GDF1: variants seen among roughly 807,000 people sequenced by gnomAD.
GDF1 encodes growth differentiation factor 1, also known as embryonic growth/differentiation factor 1.
In GDF1, 8 loss-of-function variants were observed where a neutral mutation model predicts 7.4. The observed-to-expected ratio is 1.09, with a 90% CI of 0.64 to 1.96. GDF1 has a LOEUF of 1.96. GDF1 is among the 30% of genes most tolerant of loss of function. The pLI is 0.00. For missense variants in GDF1, 574 were observed against 551.5 expected (o/e 1.04, Z -0.41); for synonymous variants, 311 against 276.7 (o/e 1.12, Z -1.23).
In GDF1 at chr19:18,878,778, C is replaced by G. The variant is rs1282667815; in HGVS notation, c.-313+152G>C. The G allele has an allele frequency of 2.7e-6, 4 of 1,458,984 alleles. No homozygotes were observed. Among genetic ancestry groups the G allele is most frequent in the Non-Finnish European group, 3.6e-6 (4 of 1,105,302 alleles). 90.4% of individuals were successfully genotyped at this position (1,458,984 alleles called of 1,614,324 possible). ...CAGGGTACTGGCCACATCGTCCACG[C>G]CTTTATTGCAGTCTCTGTTTTGGAG... On this transcript the variant is annotated intron_variant, in intron 6 of 7. Coordinates refer to ENST00000247005, the MANE Select transcript of GDF1 (RefSeq NM_001492.6). This position sits in a 1 kb window ranked among gnomAD's most constrained non-coding sequence, Gnocchi z 4.6.
chr19:18,892,765 CAGGGGT>C (rs1320326715), intron 2 of GDF1, among the ~76,000 whole-genome samples: 21 of 152,298 alleles, frequency 1.4e-4, no homozygotes, highest in African/African-American at 4.3e-4. Flanking sequence ...TGGACCCACA[CAGGGGT>C]CCTTCCAGGA....
At position 18,884,075 on chromosome 19, in the gene GDF1, T is replaced by A. The variant is rs2056284759; in HGVS notation, c.-733+12A>T. On this transcript the variant is annotated intron_variant, in intron 3 of 7. Transcript: ENST00000247005. ...TGTGCCTCGGCCCCCTGCCACCCGATCCTGTCCTTACCGGAAGGCGTAGGA... is the reference window on the plus strand; with the variant it reads ...TGTGCCTCGGCCCCCTGCCACCCGAACCTGTCCTTACCGGAAGGCGTAGGA... 6.2e-7 allele frequency: 1 copy of A among 1,609,508 alleles called. No homozygotes were observed. Among genetic ancestry groups the A allele is most frequent in the Non-Finnish European group, 8.5e-7 (1 of 1,177,124 alleles).
At position 18,878,365 on chromosome 19, in the gene GDF1, G is replaced by A. The variant is rs1341515059; in HGVS notation, c.-313+565C>T. 2 of 986,462 alleles carry A rather than the reference G, an allele frequency of 2.0e-6. No homozygotes were observed. Among genetic ancestry groups the A allele is most frequent in the African/African-American group, 3.5e-5 (2 of 57,116 alleles). 61.1% of individuals were successfully genotyped at this position (986,462 alleles called of 1,614,324 possible). A position where few individuals can be genotyped will look rare whatever the true frequency, so the allele number is the denominator to read the frequency against. On this transcript the variant is annotated intron_variant, in intron 6 of 7. Coordinates refer to ENST00000247005, the MANE Select transcript of GDF1 (RefSeq NM_001492.6). This position sits in a 1 kb window ranked among gnomAD's most constrained non-coding sequence, Gnocchi z 4.6. The stretch of plus-strand genomic sequence containing the variant: ...GTCACCCAGGGCTGGTGAGGCTCGT[G>A]GGCTATCTCCTTCCCCAGGACTCCC...
At chr19:18,883,618 T>C (rs990234308) in intron 3 of GDF1, among the ~76,000 whole-genome samples, 4 of 152,344 alleles carry the variant, frequency 2.6e-5, no homozygotes, top group African/African-American at 9.6e-5. Context: ...GGGTGGGTTT[T>C]ATGCACACAG....
intron 6 of GDF1, among the ~76,000 whole-genome samples, chr19:18,871,479 C>T (rs754097735): frequency 6.6e-6 from 1 of 152,170 alleles, no homozygotes; most frequent in Non-Finnish European, 1.5e-5. Context: ...ACCTTGGCCT[C>T]CCAAAGTGCT....
chr19:18,888,300 A>C (rs2056408284), intron 2 of GDF1, among the ~76,000 whole-genome samples: 1 of 151,594 alleles, frequency 6.6e-6, no homozygotes, highest in African/African-American at 2.4e-5. Context: ...CAGAGGTTGC[A>C]GTGAGCTGAG....
intron 3 of GDF1, chr19:18,883,124 A>C (rs909722793): frequency 7.9e-5 from 12 of 152,248 alleles, no homozygotes; most frequent in African/African-American, 2.2e-4. Flanking sequence ...CTGCTCCTGG[A>C]GTTTTATTTA....
At chr19:18,876,348 G>C (rs950549406) in intron 6 of GDF1, among the ~76,000 whole-genome samples, 2 of 151,646 alleles carry the variant, frequency 1.3e-5, no homozygotes, top group African/African-American at 2.4e-5. Context: ...TGTTTGTTTT[G>C]GTTTGTCTTT....
intron 6 of GDF1, among the ~76,000 whole-genome samples, chr19:18,875,757 A>G (rs1419235178): frequency 6.6e-6 from 1 of 152,132 alleles, no homozygotes; most frequent in African/African-American, 2.4e-5. Flanking sequence ...TCACCATGAT[A>G]AGTGTCCTTA....
Position 18,893,287 on chromosome 19 carries a change from T to C in GDF1, c.-914+129A>G, listed in dbSNP as rs2056540994. ...TGGAGTGCAGTGGCGTGCTCATAGC[T>C]CCCCTTGGCCTCCAACTCCTGGGCT... On this transcript the variant is annotated intron_variant, in intron 2 of 7. Transcript: ENST00000247005. 4 of 1,012,962 alleles carry C rather than the reference T, an allele frequency of 3.9e-6. No individual in the cohort carries two copies. The South Asian group carries it at 5.0e-5, about 13-fold the overall frequency. 62.7% of individuals were successfully genotyped at this position (1,012,962 alleles called of 1,614,324 possible).
In GDF1 at chr19:18,870,762, C is replaced by T. The variant is rs1601147991; in HGVS notation, c.-312-143G>A. The T allele has an allele frequency of 1.4e-5, 6 of 440,136 alleles. No individual in the cohort carries two copies. The highest frequency in any genetic ancestry group is 1.2e-5 in the Non-Finnish European group (3 of 244,140). 27.3% of individuals were successfully genotyped at this position (440,136 alleles called of 1,614,324 possible). ...GGGCCTCGCCTTGTGGCTTCCTCCTCGCCTTCACCCTGCCCCTCCTTGCCT... is the reference window on the plus strand; with the variant it reads ...GGGCCTCGCCTTGTGGCTTCCTCCTTGCCTTCACCCTGCCCCTCCTTGCCT... On this transcript the variant is annotated intron_variant, in intron 6 of 7. Transcript: ENST00000247005. The surrounding 1 kb of genome is among the most constrained non-coding windows in gnomAD (Gnocchi z 5.1).
At chr19:18,871,573 G>A (rs1298370598) in intron 6 of GDF1, among the ~76,000 whole-genome samples, 1 of 152,116 alleles carries the variant, frequency 6.6e-6, no homozygotes, top group Non-Finnish European at 1.5e-5. Flanking sequence ...TGTTGTAGAG[G>A]TGAGGTTGCT....
At chr19:18,880,203 G>A (rs149449210) in intron 4 of GDF1, 71 bp downstream of exon 4, 9 of 1,311,592 alleles carry the variant, frequency 6.9e-6, no homozygotes, top group Admixed American at 2.6e-5. Context: ...GCCTGGTCCC[G>A]CCCCTTTTCT....
chr19:18,893,271 GTGGCGTGCTCA>G, intron 2 of GDF1, 134 bp downstream of exon 2: 3 of 831,312 alleles, frequency 3.6e-6, no homozygotes, highest in Non-Finnish European at 5.5e-6. Context: ...CTGGAGTGCA[GTGGCGTGCTCA>G]TAGCTCCCCT....
At position 18,879,208 on chromosome 19, in the gene GDF1, C is replaced by T. The variant is rs577079258; in HGVS notation, c.-423+33G>A. The stretch of plus-strand genomic sequence containing the variant: ...ACAGGGATTGGGACGAGGACGGGAC[C>T]GCCACTGTGGAGGAGAGCCGGGGCC... On this transcript the variant is annotated intron_variant, in intron 5 of 7. Coordinates refer to ENST00000247005, the MANE Select transcript of GDF1 (RefSeq NM_001492.6). The T allele has an allele frequency of 3.4e-5, 55 of 1,612,218 alleles. No homozygotes were observed. The African/African-American group carries it at 4.9e-4, about 14-fold the overall frequency.
chr19:18,874,819 A>G (rs1341600180), intron 6 of GDF1, among the ~76,000 whole-genome samples: 1 of 152,182 alleles, frequency 6.6e-6, no homozygotes, highest in Non-Finnish European at 1.5e-5. Flanking sequence ...AGAAGCAGCA[A>G]TGGGGTGAGA....
chr19:18,871,017 G>A (rs1027062063), intron 6 of GDF1, among the ~76,000 whole-genome samples: 4 of 151,988 alleles, frequency 2.6e-5, no homozygotes, highest in Admixed American at 6.6e-5. Flanking sequence ...ACCCCACGAA[G>A]GCTAGTCCTT....
chr19:18,873,483 C>A (rs192096964), intron 6 of GDF1, among the ~76,000 whole-genome samples: 1 of 150,942 alleles, frequency 6.6e-6, no homozygotes, highest in South Asian at 2.1e-4. Flanking sequence ...GATCACCTGA[C>A]CCTAGGAGTT....
rs1258652147 is a variant in GDF1 at position 18,868,995 on chromosome 19, C to G, written c.721G>C (p.Asp241His). ...GCCAGGGGGTGGCACAGGCGCGGGT[C>G]GAGGGTCACCAGCAGCAGCGAGGCC... Reference protein sequence around the residue: ...AEASLLLVTLDPRLCHPLARP... With the variant: ...AEASLLLVTLHPRLCHPLARP... The change falls in exon 8 of 8, where the codon GAC becomes CAC. Residue 241 changes from aspartate (D) to histidine (H), a missense_variant. Physicochemically the swap from Asp to His is moderately conservative, Grantham distance 81 (BLOSUM62 -1). Coordinates refer to ENST00000247005, the MANE Select transcript of GDF1 (RefSeq NM_001492.6). 9 of 1,107,464 alleles carry G rather than the reference C, an allele frequency of 8.1e-6. No homozygotes were observed. The highest frequency in any genetic ancestry group is 1.7e-5 in the African/African-American group (1 of 58,974). The allele number at this position is 1,107,464 out of a possible 1,614,324, so 68.6% of individuals were successfully genotyped here.
Sources: allele counts gnomAD v4.1 joint callset (sites outside exome capture counted in the v4.1 genomes callset), GRCh38; gene constraint gnomAD v4.1.1; non-coding constraint Gnocchi (gnomAD v3.1); transcripts MANE v1.5; gene names NCBI Gene and HGNC (gene_info 2026-07-23, HGNC 2026-07-21).